COL24A1: variants seen among roughly 807,000 people sequenced by gnomAD.
COL24A1 encodes collagen type XXIV alpha 1 chain, also known as collagen alpha-1(XXIV) chain.
Under a neutral mutation model 253.9 loss-of-function variants are expected in COL24A1, and 224 were observed. That is an observed-to-expected ratio of 0.88 (90% confidence interval 0.79 to 0.99). COL24A1 has a LOEUF of 0.99. COL24A1 is among the 50% of genes least tolerant of loss of function. The pLI, the probability that COL24A1 is intolerant of heterozygous loss-of-function variation, is 0.00. For missense variants in COL24A1, 2,131 were observed against 2,068.5 expected (o/e 1.03, Z -0.59); for synonymous variants, 685 against 673.7 (o/e 1.02, Z -0.26).
At chr1:85,805,752 A>T (rs1222570890) in intron 47 of COL24A1, among the ~76,000 whole-genome samples, 1 of 152,222 alleles carries the variant, frequency 6.6e-6, no homozygotes, top group Non-Finnish European at 1.5e-5. Context: ...GAATTTTGCC[A>T]TGACTATTAT....
intron 1 of COL24A1, among the ~76,000 whole-genome samples, chr1:86,148,105 T>C (rs1652162578): frequency 6.6e-6 from 1 of 152,228 alleles, no homozygotes. Context: ...CAAGAGATGA[T>C]ATAAAGTCCT....
chr1:85,832,911 C>T, intron 43 of COL24A1, among the ~76,000 whole-genome samples: 1 of 151,008 alleles, frequency 6.6e-6, no homozygotes, highest in Non-Finnish European at 1.5e-5. Flanking sequence ...AACTGAATAC[C>T]CTTTATTTCC....
At chr1:86,091,254 T>C (rs1381948715) in intron 6 of COL24A1, among the ~76,000 whole-genome samples, 2 of 152,160 alleles carry the variant, frequency 1.3e-5, no homozygotes, top group South Asian at 4.1e-4. Context: ...TCCCAAAATG[T>C]GTGTAACTAT....
chr1:85,927,427 T>G (rs901352858), intron 24 of COL24A1, among the ~76,000 whole-genome samples: 6 of 141,022 alleles, frequency 4.3e-5, no homozygotes, highest in Non-Finnish European at 6.2e-5. Flanking sequence ...GCTCAGAGGG[T>G]CCTACGCCCA....
intron 37 of COL24A1, among the ~76,000 whole-genome samples, chr1:85,858,924 G>A (rs563895083): frequency 2.6e-5 from 4 of 152,012 alleles, no homozygotes; most frequent in East Asian, 3.9e-4. Flanking sequence ...TTTTGGTAGC[G>A]ATGGGGGTTC....
At chr1:85,857,246 T>C (rs1036396844) in intron 37 of COL24A1, among the ~76,000 whole-genome samples, 2 of 152,132 alleles carry the variant, frequency 1.3e-5, no homozygotes, top group East Asian at 3.9e-4. Context: ...CTTCGATTCC[T>C]ATATGATGTA....
intron 5 of COL24A1, among the ~76,000 whole-genome samples, chr1:86,103,955 T>C (rs1339086939): frequency 6.6e-6 from 1 of 152,230 alleles, no homozygotes; most frequent in Non-Finnish European, 1.5e-5. Context: ...GAAGTTCTCA[T>C]GGATGATATC....
At chr1:85,742,282 C>A (rs756637723) in intron 57 of COL24A1, among the ~76,000 whole-genome samples, 16 of 151,882 alleles carry the variant, frequency 1.1e-4, no homozygotes, top group Non-Finnish European at 1.6e-4. Context: ...CAGGTGCGTG[C>A]CACCACACCC....
At chr1:85,813,431 A>G (rs1672741834) in intron 47 of COL24A1, among the ~76,000 whole-genome samples, 1 of 150,160 alleles carries the variant, frequency 6.7e-6, no homozygotes, top group South Asian at 2.1e-4. Context: ...AAGAAAAAAA[A>G]AAAAGAAGCC....
intron 4 of COL24A1, among the ~76,000 whole-genome samples, chr1:86,113,019 A>C (rs914989996): frequency 6.6e-6 from 1 of 152,210 alleles, no homozygotes; most frequent in African/African-American, 2.4e-5. Flanking sequence ...CAGGATTATA[A>C]ATTCTTTGAA....
Position 86,033,882 on chromosome 1 carries a change from A to G in COL24A1, c.1992T>C (p.Leu664=). ...ATAATGTACTCACAGGACTGCCATC[A>G]AGACCAGCAGGGCCTCTGTCTCCAA... ...GDFGDRGPAG[L]DGSPGLVGGT... Residue 664 remains leucine, a synonymous_variant, in exon 13 of 60, where the codon CTT becomes CTC. Coordinates refer to ENST00000370571, the MANE Select transcript of COL24A1 (RefSeq NM_152890.7). The G allele has an allele frequency of 6.2e-7, 1 of 1,601,978 alleles. No individual in the cohort carries two copies.
At position 86,115,334 on chromosome 1, in the gene COL24A1, T is replaced by A; in HGVS notation, c.1536A>T (p.Arg512Ser). Reference sequence around the variant, plus strand: ...TAGCCCATCTACTTACCCGTGGACCTCTCTTCCCTGACGGACCTGGGATAC... The same window carrying A: ...TAGCCCATCTACTTACCCGTGGACCACTCTTCCCTGACGGACCTGGGATAC... ...PAGIPGPSGK[R>S]GPRGIPGPHG... Residue 512 changes from arginine (R) to serine (S), a missense_variant, in exon 4 of 60, where the codon AGA (arginine) becomes AGT (serine). Transcript: ENST00000370571. 1 of 1,613,962 alleles carries A rather than the reference T, an allele frequency of 6.2e-7. No homozygotes were observed. The highest frequency in any genetic ancestry group is 1.1e-5 in the South Asian group (1 of 91,026).
Position 85,783,708 on chromosome 1 carries a change from G to A in COL24A1, c.4222-150C>T. ...AAGAATTCAGAAGGAAGTGTACTGA[G>A]GCCTACAATTTACTTAGAAATACAC... On this transcript the variant is annotated intron_variant, in intron 50 of 59. Coordinates refer to ENST00000370571, the MANE Select transcript of COL24A1 (RefSeq NM_152890.7). 4.4e-6 allele frequency: 3 copies of A among 684,644 alleles called. No individual in the cohort carries two copies. The Admixed American group carries it at 8.2e-5, about 19-fold the overall frequency. The allele number at this position is 684,644 out of a possible 1,614,324, so 42.4% of individuals were successfully genotyped here.
intron 43 of COL24A1, among the ~76,000 whole-genome samples, chr1:85,832,698 G>A (rs1675459523): frequency 1.3e-5 from 2 of 151,082 alleles, no homozygotes; most frequent in South Asian, 2.1e-4. Context: ...ATTGTGAATG[G>A]GAGTTCACTC....
intron 7 of COL24A1, among the ~76,000 whole-genome samples, chr1:86,082,891 T>G (rs1488655667): frequency 6.7e-6 from 1 of 148,712 alleles, no homozygotes; most frequent in Admixed American, 6.8e-5. Flanking sequence ...AAATCTTAAA[T>G]GCTCCCAGTG....
At chr1:85,906,681 T>C (rs1319024671) in intron 28 of COL24A1, among the ~76,000 whole-genome samples, 2 of 151,942 alleles carry the variant, frequency 1.3e-5, no homozygotes, top group Non-Finnish European at 2.9e-5. Context: ...GGATTTAATG[T>C]TTAAGATACA....
intron 22 of COL24A1, 140 bp downstream of exon 22, chr1:85,970,087 A>G (rs1292828839): frequency 1.4e-6 from 1 of 702,272 alleles, no homozygotes; most frequent in Non-Finnish European, 2.3e-6. Flanking sequence ...GGCCTATTTT[A>G]TTTTGGGGCA....
intron 19 of COL24A1, among the ~76,000 whole-genome samples, chr1:86,001,787 G>C (rs1009016661): frequency 5.9e-5 from 9 of 152,154 alleles, no homozygotes; most frequent in African/African-American, 2.2e-4. Flanking sequence ...GAGACTAAGA[G>C]CCTCAGGAAA....
intron 47 of COL24A1, 121 bp from the exon 48 acceptor site, chr1:85,786,582 T>C: frequency 1.6e-6 from 1 of 630,634 alleles, no homozygotes; most frequent in Non-Finnish European, 2.5e-6. Flanking sequence ...TGCCCAGGAG[T>C]TATCCTGGGC....
Sources: gnomAD v4.1 joint callset for allele counts (sites outside exome capture counted in the v4.1 genomes callset) on GRCh38, gnomAD v4.1.1 for gene constraint, MANE v1.5 for transcripts, NCBI Gene and HGNC (gene_info 2026-07-23, HGNC 2026-07-21) for gene names.